KCNIP1: variants seen among roughly 807,000 people sequenced by gnomAD.
KCNIP1 encodes the protein A-type potassium channel modulatory protein KCNIP1.
A neutral mutation model predicts 33.0 loss-of-function variants in KCNIP1; 18 were observed. The observed-to-expected ratio is 0.55, with a 90% CI of 0.38 to 0.81. KCNIP1 has a LOEUF of 0.81. Among genes scored for constraint, KCNIP1 ranks in the 30% least tolerant of loss-of-function variants. KCNIP1 has a pLI of 0.00. For missense variants in KCNIP1, 238 were observed against 271.6 expected (o/e 0.88, Z 0.87); for synonymous variants, 93 against 98.3 (o/e 0.95, Z 0.32).
chr5:170,671,652 A>T (rs552513563), intron 1 of KCNIP1, among the ~76,000 whole-genome samples: 1 of 152,338 alleles, frequency 6.6e-6, no homozygotes, highest in African/African-American at 2.4e-5. Context: ...TATTAGAATC[A>T]TTGATTTTTA....
intron 1 of KCNIP1, among the ~76,000 whole-genome samples, chr5:170,578,238 G>A (rs772677066): frequency 1.5e-4 from 23 of 152,300 alleles, no homozygotes; most frequent in Middle Eastern, 3.4e-3. Flanking sequence ...TGAGGAGACT[G>A]AGAACAGTGG....
intron 1 of KCNIP1, among the ~76,000 whole-genome samples, chr5:170,427,710 G>T (rs1755645314): frequency 6.6e-6 from 1 of 152,168 alleles, no homozygotes. Flanking sequence ...TGCACCTGTG[G>T]GGTCTGCCAC....
intron 1 of KCNIP1, among the ~76,000 whole-genome samples, chr5:170,717,410 C>T (rs189019648): frequency 2.6e-5 from 4 of 152,154 alleles, no homozygotes; most frequent in South Asian, 4.2e-4. Context: ...GTCTCTGTGG[C>T]GTAAACAGTA....
intron 1 of KCNIP1, among the ~76,000 whole-genome samples, chr5:170,395,812 G>A (rs1189021729): frequency 2.6e-5 from 4 of 152,222 alleles, no homozygotes; most frequent in African/African-American, 9.7e-5. Context: ...TGGGACCTAC[G>A]AAGAGGGTGT....
intron 1 of KCNIP1, among the ~76,000 whole-genome samples, chr5:170,404,601 C>A (rs1262675326): frequency 6.6e-6 from 1 of 152,058 alleles, no homozygotes; most frequent in East Asian, 1.9e-4. Context: ...GCTAGACGAG[C>A]CTGTTCTCAT....
chr5:170,483,242 G>T, intron 1 of KCNIP1: 1 of 304,918 alleles, frequency 3.3e-6, no homozygotes. Context: ...ACACCCTAGG[G>T]TGATCCCAGG....
chr5:170,386,135 A>T (rs2113348256), intron 1 of KCNIP1, among the ~76,000 whole-genome samples: 1 of 150,168 alleles, frequency 6.7e-6, no homozygotes, highest in East Asian at 2.0e-4. Flanking sequence ...AAAAAAAAAC[A>T]AAAAACAAAA....
chr5:170,456,160 G>A (rs1323011878), intron 1 of KCNIP1, among the ~76,000 whole-genome samples: 1 of 152,104 alleles, frequency 6.6e-6, no homozygotes, highest in Non-Finnish European at 1.5e-5. Flanking sequence ...TCCTTTGCAG[G>A]GACATAGATG....
chr5:170,657,600 C>T (rs1321715763), intron 1 of KCNIP1, among the ~76,000 whole-genome samples: 1 of 152,182 alleles, frequency 6.6e-6, no homozygotes, highest in African/African-American at 2.4e-5. Flanking sequence ...CTAGATCCCT[C>T]ACACTTCCCC....
chr5:170,505,956 C>G (rs1409057020), intron 1 of KCNIP1, among the ~76,000 whole-genome samples: 1 of 152,220 alleles, frequency 6.6e-6, no homozygotes, highest in Non-Finnish European at 1.5e-5. Flanking sequence ...CTGACCAGAA[C>G]AGGTCTGCAA....
At chr5:170,731,580 A>G (rs1764194386) in intron 5 of KCNIP1, among the ~76,000 whole-genome samples, 1 of 152,010 alleles carries the variant, frequency 6.6e-6, no homozygotes, top group African/African-American at 2.4e-5. Context: ...CTGTAGTCCC[A>G]GCTACTTGAG....
In KCNIP1 at chr5:170,704,155, C is replaced by T. The variant is rs1409756141; in HGVS notation, c.62-14603C>T. On this transcript the variant is annotated intron_variant, in intron 1 of 7. Transcript: ENST00000328939. ...ATCACATGCTCTGGTAGACAGGGGT[C>T]TGTGCACCAGTAGATTCTGGGGCTA... Among the ~76,000 whole-genome samples, 3 of 137,316 alleles carry T rather than the reference C, an allele frequency of 2.2e-5. 1 individual carries two copies. The highest frequency in any genetic ancestry group is 3.0e-5 in the Non-Finnish European group (2 of 65,594). 90.1% of individuals were successfully genotyped at this position (137,316 alleles called of 152,430 possible). A position where few individuals can be genotyped will look rare whatever the true frequency, so the allele number is the denominator to read the frequency against.
At chr5:170,519,131 G>A (rs796352035) in intron 1 of KCNIP1, among the ~76,000 whole-genome samples, 14 of 152,258 alleles carry the variant, frequency 9.2e-5, no homozygotes, top group African/African-American at 3.4e-4. Flanking sequence ...TATAGTGAGG[G>A]CTCCGCTAAT....
At chr5:170,545,374 AG>A (rs1439216975) in intron 1 of KCNIP1, among the ~76,000 whole-genome samples, 33 of 151,876 alleles carry the variant, frequency 2.2e-4, no homozygotes, top group Non-Finnish European at 5.9e-5. Flanking sequence ...AACTTTTTGG[AG>A]GGCTTGGTGG....
chr5:170,688,110 C>T (rs1459055392), intron 1 of KCNIP1, among the ~76,000 whole-genome samples: 2 of 152,162 alleles, frequency 1.3e-5, no homozygotes, highest in Non-Finnish European at 2.9e-5. Context: ...TTCATTTAGT[C>T]CTCATGGCTA....
rs141048948 is a variant in KCNIP1 at position 170,455,902 on chromosome 5, G to A, written c.88+101938G>A. On this transcript the variant is annotated intron_variant, in intron 1 of 7. Coordinates refer to the KCNIP1 transcript ENST00000377360. ...CAACCACTGTGGAAGACAATATGGCGATTCCTCAAGGATCTAGAACCAGAA... is the reference window on the plus strand; with the variant it reads ...CAACCACTGTGGAAGACAATATGGCAATTCCTCAAGGATCTAGAACCAGAA... Among the ~76,000 whole-genome samples, 588 of 152,296 alleles carry A rather than the reference G, an allele frequency of 3.9e-3. 6 individuals carry two copies. Among genetic ancestry groups the A allele is most frequent in the African/African-American group, 0.014 (570 of 41,574 alleles).
chr5:170,421,918 G>A (rs1223071936), intron 1 of KCNIP1: 1 of 152,146 alleles, frequency 6.6e-6, no homozygotes, highest in Non-Finnish European at 1.5e-5. Flanking sequence ...ATTTGAAGGG[G>A]AGTTTTAAAC....
intron 1 of KCNIP1, among the ~76,000 whole-genome samples, chr5:170,664,588 GGCATGA>G (rs1428321113): frequency 6.6e-6 from 1 of 152,120 alleles, no homozygotes; most frequent in Middle Eastern, 3.2e-3. Context: ...TAGGATTACA[GGCATGA>G]GCCACCACTC....
At chr5:170,695,394 G>C (rs558201690) in intron 1 of KCNIP1, among the ~76,000 whole-genome samples, 2 of 152,294 alleles carry the variant, frequency 1.3e-5, no homozygotes, top group African/African-American at 4.8e-5. Context: ...AACGAGAAGG[G>C]GGAAAGAAGA....
Sources: allele counts gnomAD v4.1 joint callset (sites outside exome capture counted in the v4.1 genomes callset), GRCh38; gene constraint gnomAD v4.1.1; transcripts MANE v1.5; gene names NCBI Gene and HGNC (gene_info 2026-07-23, HGNC 2026-07-21).